The following LUZP2 variants were observed in gnomAD, a reference collection of about 807,000 sequenced individuals.
The protein encoded by LUZP2 is leucine zipper protein 2.
LUZP2 carries 52 observed loss-of-function variants against 51.6 expected under a neutral mutation model. That is an observed-to-expected ratio of 1.01 (90% CI 0.81 to 1.27). The LOEUF is 1.27. LUZP2 is among the 50% of genes most tolerant of loss of function. The pLI is 0.00. For missense variants in LUZP2, 436 were observed against 395.4 expected, an observed-to-expected ratio of 1.10 and a Z score of -0.87; for synonymous variants, 154 against 137.3, an observed-to-expected ratio of 1.12 and a Z score of -0.85.
chr11:24,926,544 CGT>C (rs1322943804), intron 7 of LUZP2, among the ~76,000 whole-genome samples: 23 of 72,124 alleles, frequency 3.2e-4, no homozygotes, highest in Non-Finnish European at 4.5e-4. Context: ...TATATATATA[CGT>C]GTATATATAT....
intron 9 of LUZP2, among the ~76,000 whole-genome samples, chr11:24,988,381 A>G (rs895780221): frequency 5.9e-5 from 9 of 152,000 alleles, no homozygotes; most frequent in Admixed American, 5.9e-4. Flanking sequence ...AAGAGAGTCT[A>G]TGTCTAGATA....
intron 5 of LUZP2, among the ~76,000 whole-genome samples, chr11:24,792,071 C>T (rs1167619836): frequency 6.6e-6 from 1 of 151,556 alleles, no homozygotes; most frequent in Non-Finnish European, 1.5e-5. Flanking sequence ...TCATTTCTTC[C>T]ATGTATAGAG....
chr11:24,847,549 A>G (rs574643463), intron 5 of LUZP2, among the ~76,000 whole-genome samples: 2 of 152,276 alleles, frequency 1.3e-5, no homozygotes, highest in Non-Finnish European at 2.9e-5. Context: ...ATTTTTCTCA[A>G]CACTCATGGT....
chr11:24,976,114 T>G (rs11028313), intron 7 of LUZP2, among the ~76,000 whole-genome samples: 1 of 151,768 alleles, frequency 6.6e-6, no homozygotes, highest in Non-Finnish European at 1.5e-5. Flanking sequence ...CCTCTCCTTA[T>G]GTGAACATGT....
intron 5 of LUZP2, among the ~76,000 whole-genome samples, chr11:24,861,533 C>A (rs1161907619): frequency 1.3e-5 from 2 of 152,034 alleles, no homozygotes; most frequent in Admixed American, 6.6e-5. Flanking sequence ...ACAAAATGCC[C>A]AACCCCAAGA....
intron 5 of LUZP2, among the ~76,000 whole-genome samples, chr11:24,859,761 C>G (rs1851680540): frequency 6.6e-6 from 1 of 152,184 alleles, no homozygotes; most frequent in African/African-American, 2.4e-5. Context: ...ACCCCTTTCC[C>G]CCAGCCAAAG....
intron 1 of LUZP2, among the ~76,000 whole-genome samples, chr11:24,610,835 C>G (rs531291307): frequency 4.6e-5 from 7 of 152,092 alleles, no homozygotes; most frequent in Non-Finnish European, 1.0e-4. Flanking sequence ...GTCCCAGCTA[C>G]TCAAGAGACT....
chr11:24,653,765 G>A (rs1325682996), intron 1 of LUZP2, among the ~76,000 whole-genome samples: 6 of 152,254 alleles, frequency 3.9e-5, no homozygotes, highest in South Asian at 2.1e-4. Context: ...AAAGTGATCC[G>A]TTCCCAGAAG....
chr11:24,677,816 G>T (rs1250427931), intron 1 of LUZP2, among the ~76,000 whole-genome samples: 1 of 152,076 alleles, frequency 6.6e-6, no homozygotes. Flanking sequence ...TTGGGAGGCC[G>T]AGGCGGGCCG....
intron 5 of LUZP2, among the ~76,000 whole-genome samples, chr11:24,899,880 A>C (rs1461373970): frequency 6.6e-6 from 1 of 152,190 alleles, no homozygotes; most frequent in African/African-American, 2.4e-5. Context: ...AAGCTAATAG[A>C]TAGAACAAAG....
chr11:25,010,148 T>G (rs1487523700), intron 9 of LUZP2, among the ~76,000 whole-genome samples: 1 of 152,196 alleles, frequency 6.6e-6, no homozygotes, highest in Non-Finnish European at 1.5e-5. Flanking sequence ...GACCAATAAT[T>G]TCTATTCAAG....
intron 5 of LUZP2, among the ~76,000 whole-genome samples, chr11:24,868,522 T>C (rs1228240606): frequency 6.6e-6 from 1 of 152,180 alleles, no homozygotes; most frequent in African/African-American, 2.4e-5. Context: ...TGCTTTTCTC[T>C]TGTTAATCTG....
At chr11:24,852,992 A>G (rs567062451) in intron 5 of LUZP2, among the ~76,000 whole-genome samples, 3 of 152,210 alleles carry the variant, frequency 2.0e-5, no homozygotes, top group African/African-American at 7.2e-5. Flanking sequence ...GGTCTCCTGA[A>G]TACAGCACAC....
At chr11:24,833,152 C>G (rs370078799) in intron 5 of LUZP2, among the ~76,000 whole-genome samples, 59 of 152,274 alleles carry the variant, frequency 3.9e-4, no homozygotes, top group African/African-American at 1.3e-3. Context: ...GCATAGAATA[C>G]TCTGAAACAA....
In LUZP2 at chr11:24,905,985, C is replaced by T; in HGVS notation, c.397-6C>T. 1.9e-6 allele frequency: 3 copies of T among 1,603,390 alleles called. No individual in the cohort carries two copies. The South Asian group carries it at 3.3e-5, about 18-fold the overall frequency. ...CTTTGCAATAAAACTATGTTTTCTTCCTCAGAATAAAAGCTTGAAAAACAA... is the reference window on the plus strand; with the variant it reads ...CTTTGCAATAAAACTATGTTTTCTTTCTCAGAATAAAAGCTTGAAAAACAA... On this transcript the variant is annotated splice_polypyrimidine_tract_variant and splice_region_variant and intron_variant, in intron 5 of 11. Coordinates refer to ENST00000336930, the MANE Select transcript of LUZP2 (RefSeq NM_001009909.4).
intron 7 of LUZP2, among the ~76,000 whole-genome samples, chr11:24,958,312 C>T (rs1855272560): frequency 6.6e-6 from 1 of 152,286 alleles, no homozygotes; most frequent in African/African-American, 2.4e-5. Flanking sequence ...GTTCTAGATC[C>T]CTGAGGAATT....
chr11:25,047,421 AATGG>A (rs1858348579), intron 9 of LUZP2, among the ~76,000 whole-genome samples: 2 of 143,436 alleles, frequency 1.4e-5, no homozygotes, highest in African/African-American at 2.6e-5. Context: ...ATACTCTAAG[AATGG>A]TATTGTTTTT....
At chr11:24,807,024 CAAAAA>C (rs34565471) in intron 5 of LUZP2, among the ~76,000 whole-genome samples, 1 of 110,292 alleles carries the variant, frequency 9.1e-6, no homozygotes, top group Non-Finnish European at 1.8e-5. Flanking sequence ...GAAAATCCAC[CAAAAA>C]AAAAAAAAAA....
At chr11:24,629,549 C>CAT (rs3078021) in intron 1 of LUZP2, among the ~76,000 whole-genome samples, 101,177 of 140,948 alleles carry the variant, frequency 0.72, 36,861 homozygotes, top group East Asian at 0.87. Flanking sequence ...TATTCCATTG[C>CAT]ATATATATAT....
Sources: allele counts gnomAD v4.1 joint callset (sites outside exome capture counted in the v4.1 genomes callset), GRCh38; gene constraint gnomAD v4.1.1; transcripts MANE v1.5; gene names NCBI Gene and HGNC (gene_info 2026-07-23, HGNC 2026-07-21).